Variants in SAMMSON observed in about 807,000 individuals in gnomAD.
SAMMSON encodes the protein long intergenic non-protein coding RNA 1212.
chr3:70,222,001 T>A (rs1701464558), intron 4 of SAMMSON, among the ~76,000 whole-genome samples: 2 of 152,138 alleles, frequency 1.3e-5, no homozygotes, highest in Admixed American at 6.6e-5. Context: ...TAGAAAAATG[T>A]CAAGTGTTCC....
chr3:70,305,170 A>T (rs1702387524), intron 7 of SAMMSON, among the ~76,000 whole-genome samples: 1 of 152,050 alleles, frequency 6.6e-6, no homozygotes, highest in Non-Finnish European at 1.5e-5. Context: ...TATCTACTTC[A>T]TGGTCTTGTT....
At chr3:70,007,294 T>C (rs1370320965) in intron 1 of SAMMSON, among the ~76,000 whole-genome samples, 3 of 152,152 alleles carry the variant, frequency 2.0e-5, no homozygotes, top group African/African-American at 7.2e-5. Context: ...TTTCTCCACA[T>C]CCTCTCCAGC....
Position 70,013,199 on chromosome 3 carries a change from A to G in SAMMSON, n.265-321A>G, listed in dbSNP as rs1237600693. Among the ~76,000 whole-genome samples the G allele has an allele frequency of 4.6e-5, 7 of 152,162 alleles. No homozygotes were observed. The East Asian group carries it at 1.4e-3, about 29-fold the overall frequency. On this transcript the variant is annotated intron_variant and non_coding_transcript_variant, in intron 2 of 9. Transcript: ENST00000642114. ...TGATAATCATGATTTTAAGTTCCGA[A>G]TTTGTCTAGGTTTTGACTCTGGCTT... is the stretch of plus-strand genomic sequence containing the variant.
At chr3:70,389,267 C>T (rs774855416) in intron 9 of SAMMSON, among the ~76,000 whole-genome samples, 22 of 152,144 alleles carry the variant, frequency 1.4e-4, no homozygotes, top group Non-Finnish European at 2.4e-4. Context: ...CTAAAACATA[C>T]GCCTGTGTAG....
chr3:70,020,160 C>G (rs761517406), intron 3 of SAMMSON, among the ~76,000 whole-genome samples: 4 of 152,084 alleles, frequency 2.6e-5, no homozygotes, highest in Non-Finnish European at 5.9e-5. Context: ...TGTGATTAGC[C>G]AAATCCCCAC....
At chr3:70,204,596 T>C (rs1347932611) in intron 4 of SAMMSON, 1 of 152,156 alleles carries the variant, frequency 6.6e-6, no homozygotes, top group Non-Finnish European at 1.5e-5. Context: ...AATGACCTAA[T>C]TTAATTATCT....
At chr3:70,304,491 T>C (rs968158048) in intron 7 of SAMMSON, among the ~76,000 whole-genome samples, 2 of 152,124 alleles carry the variant, frequency 1.3e-5, no homozygotes, top group African/African-American at 4.8e-5. Flanking sequence ...TTCTAGCCAA[T>C]TTCTCTCTCT....
intron 6 of SAMMSON, among the ~76,000 whole-genome samples, chr3:70,270,738 A>G (rs1223662981): frequency 1.3e-5 from 2 of 152,202 alleles, no homozygotes; most frequent in Admixed American, 1.3e-4. Flanking sequence ...CTTTGCCAGG[A>G]CACGGTTGAA....
intron 9 of SAMMSON, among the ~76,000 whole-genome samples, chr3:70,362,055 T>G (rs1330325003): frequency 2.0e-5 from 3 of 152,126 alleles, no homozygotes; most frequent in African/African-American, 7.2e-5. Context: ...GATAAAGATA[T>G]GCAAACCATC....
chr3:70,406,049 T>C (rs867792406), intron 2 of SAMMSON, among the ~76,000 whole-genome samples: 2 of 152,164 alleles, frequency 1.3e-5, no homozygotes, highest in African/African-American at 4.8e-5. Flanking sequence ...GAATAAATGT[T>C]AAGTGTTCTC....
intron 7 of SAMMSON, among the ~76,000 whole-genome samples, chr3:70,296,049 G>A (rs1376386088): frequency 6.6e-6 from 1 of 152,176 alleles, no homozygotes; most frequent in Non-Finnish European, 1.5e-5. Context: ...ACATCACCAG[G>A]ATTCTGAATC....
chr3:70,432,343 C>T (rs1701421107), intron 2 of SAMMSON, among the ~76,000 whole-genome samples: 2 of 150,582 alleles, frequency 1.3e-5, no homozygotes, highest in African/African-American at 2.4e-5. Context: ...GGCCATCCAT[C>T]TTTTATTAAT....
chr3:70,388,523 A>C (rs1454450799), intron 9 of SAMMSON, among the ~76,000 whole-genome samples: 4 of 152,114 alleles, frequency 2.6e-5, no homozygotes, highest in Non-Finnish European at 5.9e-5. Context: ...CCTCTTGTCC[A>C]TTGCTATTTC....
At chr3:70,395,331 C>CTCTT (rs764856088) in intron 2 of SAMMSON, among the ~76,000 whole-genome samples, 44 of 113,620 alleles carry the variant, frequency 3.9e-4, no homozygotes, top group African/African-American at 1.1e-3. Flanking sequence ...CTCTCTCTCT[C>CTCTT]TTTTTTTTTT....
intron 2 of SAMMSON, among the ~76,000 whole-genome samples, chr3:70,427,610 C>T (rs999690748): frequency 9.9e-5 from 15 of 152,094 alleles, no homozygotes; most frequent in South Asian, 4.1e-4. Context: ...TGGTGGCGCG[C>T]GCCTGTAGTC....
chr3:70,373,768 A>T (rs1190379362), intron 9 of SAMMSON, among the ~76,000 whole-genome samples: 2 of 151,864 alleles, frequency 1.3e-5, no homozygotes, highest in Admixed American at 6.6e-5. Context: ...TTTAAATTTT[A>T]GTTATTCTGT....
chr3:70,277,927 T>C (rs1404407593), intron 6 of SAMMSON, among the ~76,000 whole-genome samples: 2 of 152,164 alleles, frequency 1.3e-5, no homozygotes, highest in Non-Finnish European at 2.9e-5. Flanking sequence ...CAGATTTCAT[T>C]AGCCCTCTCA....
exon 3 of SAMMSON, chr3:70,013,520 G>C (rs2066967849): frequency 6.6e-6 from 1 of 151,948 alleles, no homozygotes; most frequent in South Asian, 2.1e-4. Context: ...TTTCTTTCAG[G>C]GTAGTAAGAC....
At chr3:70,414,030 AG>A in intron 2 of SAMMSON, among the ~76,000 whole-genome samples, 1 of 152,242 alleles carries the variant, frequency 6.6e-6, no homozygotes, top group East Asian at 1.9e-4. Flanking sequence ...TGTAGAAAAG[AG>A]CTTAATAAAT....
Sources: gnomAD v4.1 joint callset for allele counts (sites outside exome capture counted in the v4.1 genomes callset) on GRCh38, gnomAD v4.1.1 for gene constraint, MANE v1.5 for transcripts, NCBI Gene and HGNC (gene_info 2026-07-23, HGNC 2026-07-21) for gene names.